Variants in SLC22A23 observed in about 807,000 individuals in gnomAD.
The protein encoded by SLC22A23 is solute carrier family 22 member 23.
In SLC22A23, 26 loss-of-function variants were observed where a neutral mutation model predicts 61.0. The observed-to-expected ratio is 0.43, with a 90% CI of 0.31 to 0.59. The LOEUF is 0.59. Ranked by LOEUF, SLC22A23 falls within the 20% of genes least tolerant of loss-of-function variation. SLC22A23 has a pLI of 0.11. For synonymous variants in SLC22A23, 430 were observed against 413.9 expected, an observed-to-expected ratio of 1.04 and a Z score of -0.47; for missense variants, 796 against 934.7, an observed-to-expected ratio of 0.85 and a Z score of 1.94.
chr6:3,293,652 C>T (rs193289140), intron 5 of SLC22A23, among the ~76,000 whole-genome samples: 13 of 152,358 alleles, frequency 8.5e-5, no homozygotes, highest in Admixed American at 2.6e-4. Context: ...CCGTGGCGGT[C>T]GCCTGTGGAG....
At chr6:3,296,698 G>A (rs1017964046) in intron 5 of SLC22A23, among the ~76,000 whole-genome samples, 2 of 152,134 alleles carry the variant, frequency 1.3e-5, no homozygotes, top group African/African-American at 4.8e-5. Flanking sequence ...AAAAGCTTCA[G>A]GCGTCCCTGG....
rs923088185 is a variant in SLC22A23 at position 3,271,935 on chromosome 6, C to G, written c.*1120G>C. ...GAATCTCCGCTCCCTGCCCGAAGCCCCACCTCTGTGCTATGCGAGTGACTG... is the reference window on the plus strand; with the variant it reads ...GAATCTCCGCTCCCTGCCCGAAGCCGCACCTCTGTGCTATGCGAGTGACTG... On this transcript the variant is annotated 3_prime_UTR_variant, in exon 10 of 10. Coordinates refer to ENST00000406686, the MANE Select transcript of SLC22A23 (RefSeq NM_015482.2). The G allele has an allele frequency of 7.9e-5, 12 of 152,520 alleles. 1 individual carries two copies. The highest frequency in any genetic ancestry group is 2.9e-4 in the African/African-American group (12 of 41,564). The allele number at this position is 152,520 out of a possible 1,614,324, so 9.4% of individuals were successfully genotyped here.
chr6:3,362,415 AATAAAAT>A (rs1423253349), intron 3 of SLC22A23, among the ~76,000 whole-genome samples: 1 of 55,572 alleles, frequency 1.8e-5, no homozygotes, highest in African/African-American at 6.4e-5. Flanking sequence ...AAAAAAAAAA[AATAAAAT>A]AAAAAATAAA....
intron 3 of SLC22A23, among the ~76,000 whole-genome samples, chr6:3,394,614 G>T (rs61464603): frequency 0.012 from 1,903 of 152,256 alleles, 34 homozygotes; most frequent in African/African-American, 0.042. Context: ...AATCAGAAGG[G>T]TGTGACCCCC....
intron 4 of SLC22A23, among the ~76,000 whole-genome samples, chr6:3,302,381 C>A (rs1016548711): frequency 6.6e-6 from 1 of 152,120 alleles, no homozygotes; most frequent in African/African-American, 2.4e-5. Flanking sequence ...AAAAAACCAA[C>A]TTTTTGTTTC....
chr6:3,302,107 T>C (rs1356424965), intron 4 of SLC22A23, among the ~76,000 whole-genome samples: 1 of 152,258 alleles, frequency 6.6e-6, no homozygotes, highest in Non-Finnish European at 1.5e-5. Flanking sequence ...ACTGATTCAA[T>C]CTCATTACTT....
rs370311262 is a variant in SLC22A23, at chr6:3,450,473, A to C, written c.654+5433T>G. Among the ~76,000 whole-genome samples, 24 of 152,176 alleles carry C rather than the reference A, an allele frequency of 1.6e-4. 1 individual carries two copies. Among genetic ancestry groups the C allele is most frequent in the African/African-American group, 5.5e-4 (23 of 41,528 alleles). ...AGACGTAAACCACCATGCCCGGCTA[A>C]TTTTTGTATTTTTAGTAGAGATGGG... On this transcript the variant is annotated intron_variant, in intron 1 of 9. Transcript: ENST00000406686.
chr6:3,330,214 G>A lies in SLC22A23; in HGVS notation c.914-6212C>T, dbSNP rs1763510713. ...ATAGACTAGAAGCCCATTTCCACCA[G>A]CAGCGGGAAAATGTGGAAAGGAAGG... On this transcript the variant is annotated intron_variant, in intron 3 of 9. Coordinates refer to ENST00000406686, the MANE Select transcript of SLC22A23 (RefSeq NM_015482.2). This position sits in a 1 kb window ranked among gnomAD's most constrained non-coding sequence, Gnocchi z 4.7. Among the ~76,000 whole-genome samples, 1 of 152,196 alleles carries A rather than the reference G, an allele frequency of 6.6e-6. No individual in the cohort carries two copies. The highest frequency in any genetic ancestry group is 1.5e-5 in the Non-Finnish European group (1 of 68,030).
intron 1 of SLC22A23, among the ~76,000 whole-genome samples, chr6:3,426,795 T>A (rs1770521720): frequency 6.6e-6 from 1 of 152,244 alleles, no homozygotes; most frequent in Admixed American, 6.5e-5. Context: ...AGCTGGAGGC[T>A]GCCCTGGGCC....
At chr6:3,341,272 T>TA (rs1045124994) in intron 3 of SLC22A23, among the ~76,000 whole-genome samples, 3 of 152,208 alleles carry the variant, frequency 2.0e-5, no homozygotes, top group South Asian at 2.1e-4. Context: ...ATTGAAATGC[T>TA]AAAAAAAAGT....
At chr6:3,273,455 C>T (rs765005651) in intron 9 of SLC22A23, 43 bp from the exon 10 acceptor site, 12 of 1,598,758 alleles carry the variant, frequency 7.5e-6, no homozygotes, top group Admixed American at 3.3e-5. Context: ...TGTGGGCTAG[C>T]GGGCTGGATC....
chr6:3,384,931 T>A (rs1481330790), intron 3 of SLC22A23, among the ~76,000 whole-genome samples: 1 of 152,234 alleles, frequency 6.6e-6, no homozygotes. Context: ...TCATATCTGC[T>A]GCAACATGTC....
intron 9 of SLC22A23, among the ~76,000 whole-genome samples, chr6:3,279,456 A>C (rs1759218529): frequency 7.3e-6 from 1 of 136,154 alleles, no homozygotes; most frequent in Non-Finnish European, 1.5e-5. Flanking sequence ...GGTTGCAGTG[A>C]GCCGAGATCA....
chr6:3,381,391 C>T (rs566628048), intron 3 of SLC22A23, among the ~76,000 whole-genome samples: 94 of 152,310 alleles, frequency 6.2e-4, no homozygotes, highest in African/African-American at 2.2e-3. Flanking sequence ...CACCTTTTGT[C>T]TATTCTGCCA....
In SLC22A23 at chr6:3,271,521, G is replaced by A. The variant is rs1047719733; in HGVS notation, c.*1534C>T. ...TGCCCTGTGAATTCTAGCAACTGTC[G>A]GTTGGAAGTCACTTCATTGTCTCAC... On this transcript the variant is annotated 3_prime_UTR_variant, in exon 10 of 10. Transcript: ENST00000406686. The A allele has an allele frequency of 1.3e-5, 2 of 152,370 alleles. No individual in the cohort carries two copies. The highest frequency in any genetic ancestry group is 4.8e-5 in the African/African-American group (2 of 41,452). 9.4% of individuals were successfully genotyped at this position (152,370 alleles called of 1,614,324 possible).
intron 1 of SLC22A23, among the ~76,000 whole-genome samples, chr6:3,442,942 TGA>T (rs1248821588): frequency 6.6e-6 from 1 of 152,202 alleles, no homozygotes; most frequent in African/African-American, 2.4e-5. Context: ...GTCTCAACTT[TGA>T]GAGAGCGGCA....
chr6:3,393,786 TC>T (rs1420055191), intron 3 of SLC22A23, among the ~76,000 whole-genome samples: 2 of 152,218 alleles, frequency 1.3e-5, no homozygotes, highest in Admixed American at 1.3e-4. Context: ...GGGTAATTAT[TC>T]TCAGGTTTTC....
chr6:3,438,671 C>G, intron 1 of SLC22A23: 2 of 384,544 alleles, frequency 5.2e-6, no homozygotes, highest in South Asian at 4.0e-5. Context: ...AGTAATTAAC[C>G]GTTATTCTAA....
At position 3,271,636 on chromosome 6, in the gene SLC22A23, A is replaced by C. The variant is rs555605479; in HGVS notation, c.*1419T>G. 2 of 152,480 alleles carry C rather than the reference A, an allele frequency of 1.3e-5. No homozygotes were observed. The allele number at this position is 152,480 out of a possible 1,614,324, so 9.4% of individuals were successfully genotyped here. The stretch of plus-strand genomic sequence containing the variant: ...GGATGAGTTGGACAATGCCAGTAAG[A>C]AGCCAGGCTGTCCAGAAAAGCTGGT... On this transcript the variant is annotated 3_prime_UTR_variant, in exon 10 of 10. Coordinates refer to ENST00000406686, the MANE Select transcript of SLC22A23 (RefSeq NM_015482.2).
Sources: gnomAD v4.1 joint callset for allele counts (sites outside exome capture counted in the v4.1 genomes callset) on GRCh38, gnomAD v4.1.1 for gene constraint, Gnocchi (gnomAD v3.1) non-coding constraint, MANE v1.5 for transcripts, NCBI Gene and HGNC (gene_info 2026-07-23, HGNC 2026-07-21) for gene names.